Variants in EIPR1 observed in about 807,000 individuals in gnomAD.
The protein encoded by EIPR1 is EARP and GARP complex-interacting protein 1.
In EIPR1, 25 loss-of-function variants were observed where a neutral mutation model predicts 48.1. The observed-to-expected ratio is 0.52, with a 90% CI of 0.38 to 0.73. The LOEUF is 0.73. EIPR1 is among the 30% of genes least tolerant of loss of function. The pLI is 0.00. For missense variants in EIPR1, 415 were observed against 506.2 expected (o/e 0.82, Z 1.73); for synonymous variants, 204 against 201.9 (o/e 1.01, Z -0.09).
At position 3,350,302 on chromosome 2, in the gene EIPR1, G is replaced by C. The variant is rs151178529; in HGVS notation, c.126+4248C>G. Among the ~76,000 whole-genome samples, 512 of 152,176 alleles carry C rather than the reference G, an allele frequency of 3.4e-3. 6 individuals carry two copies. The highest frequency in any genetic ancestry group is 0.012 in the African/African-American group (492 of 41,514). On this transcript the variant is annotated intron_variant, in intron 2 of 8. Coordinates refer to ENST00000382125, the MANE Select transcript of EIPR1 (RefSeq NM_003310.5). ...CACATCTTCACATGGCAATAGGAGA[G>C]AGCATGAAGGGGGATGTGCCACACC...
At chr2:3,234,400 C>T (rs1572335513) in intron 4 of EIPR1, among the ~76,000 whole-genome samples, 1 of 152,158 alleles carries the variant, frequency 6.6e-6, no homozygotes, top group South Asian at 2.1e-4. Flanking sequence ...CAAGAGTCCC[C>T]AAGAGCAGGC....
At chr2:3,343,642 A>C (rs886377686) in intron 2 of EIPR1, among the ~76,000 whole-genome samples, 2 of 152,224 alleles carry the variant, frequency 1.3e-5, no homozygotes, top group African/African-American at 4.8e-5. Flanking sequence ...GTAAAGATTT[A>C]GAATAAAGAG....
At chr2:3,202,660 C>G (rs567346558) in intron 5 of EIPR1, among the ~76,000 whole-genome samples, 1 of 152,148 alleles carries the variant, frequency 6.6e-6, no homozygotes, top group Non-Finnish European at 1.5e-5. Flanking sequence ...AATCTTGAGC[C>G]GAGCAATGCA....
At chr2:3,198,328 G>A (rs527443936) in intron 5 of EIPR1, among the ~76,000 whole-genome samples, 9 of 152,324 alleles carry the variant, frequency 5.9e-5, no homozygotes, top group Admixed American at 2.0e-4. Flanking sequence ...TGGGCTGTGC[G>A]AGAGACTGAG....
intron 4 of EIPR1, among the ~76,000 whole-genome samples, chr2:3,236,168 A>T (rs1283786654): frequency 2.0e-5 from 3 of 152,208 alleles, no homozygotes; most frequent in Non-Finnish European, 4.4e-5. Context: ...CTGTCATGAC[A>T]TCGCCGTACG....
chr2:3,220,723 T>C (rs6725952), intron 4 of EIPR1, among the ~76,000 whole-genome samples: 138,556 of 151,256 alleles, frequency 0.92, 63,693 homozygotes, highest in East Asian at 0.98. Context: ...CTCTAGAACA[T>C]TCACAGTGAG....
intron 4 of EIPR1, among the ~76,000 whole-genome samples, chr2:3,241,375 G>A (rs1159902498): frequency 6.6e-6 from 1 of 152,166 alleles, no homozygotes; most frequent in Non-Finnish European, 1.5e-5. Flanking sequence ...AATAACTGCT[G>A]TTATTTTATA....
At chr2:3,208,777 C>G (rs1321656055) in intron 5 of EIPR1, 1 of 1,548,722 alleles carries the variant, frequency 6.5e-7, no homozygotes, top group Admixed American at 2.0e-5. Context: ...GTCCTTCTTC[C>G]TTGAGTGAGG....
At chr2:3,369,079 T>TTA (rs1671044725) in intron 1 of EIPR1, among the ~76,000 whole-genome samples, 1 of 152,228 alleles carries the variant, frequency 6.6e-6, no homozygotes, top group African/African-American at 2.4e-5. Context: ...ACTGCAATGA[T>TTA]GGTTCTTCAA....
At chr2:3,194,696 A>AGGG (rs66959073) in intron 6 of EIPR1, among the ~76,000 whole-genome samples, 62 of 150,626 alleles carry the variant, frequency 4.1e-4, no homozygotes, top group African/African-American at 1.4e-3. Context: ...AGAGAGAGAA[A>AGGG]GGGGGGGGCA....
chr2:3,269,591 TCG>T (rs1242238733), intron 3 of EIPR1, among the ~76,000 whole-genome samples: 10,704 of 63,310 alleles, frequency 0.17, 3,175 homozygotes, highest in East Asian at 0.34. Context: ...CACTCAATCA[TCG>T]CACTCAATCG....
intron 3 of EIPR1, among the ~76,000 whole-genome samples, chr2:3,276,894 T>C (rs538196004): frequency 2.0e-5 from 3 of 152,316 alleles, no homozygotes; most frequent in East Asian, 1.9e-4. Context: ...CCTACAATGA[T>C]AGATTAATTT....
chr2:3,293,318 A>G (rs1668425114), intron 3 of EIPR1, among the ~76,000 whole-genome samples: 1 of 152,056 alleles, frequency 6.6e-6, no homozygotes, highest in African/African-American at 2.4e-5. Context: ...CTCCTCCAGG[A>G]GGCCCTTGGA....
intron 4 of EIPR1, among the ~76,000 whole-genome samples, chr2:3,221,990 GTTTTT>G (rs964793523): frequency 6.7e-6 from 1 of 149,190 alleles, no homozygotes; most frequent in South Asian, 2.1e-4. Context: ...TCCCCTCGCG[GTTTTT>G]TTTTTGTTTG....
At chr2:3,306,737 C>A (rs1157443942) in intron 3 of EIPR1, among the ~76,000 whole-genome samples, 1 of 152,148 alleles carries the variant, frequency 6.6e-6, no homozygotes, top group Non-Finnish European at 1.5e-5. Flanking sequence ...CGTCTTCACA[C>A]TGAGCAGACT....
chr2:3,340,869 G>C (rs918385575), intron 2 of EIPR1, among the ~76,000 whole-genome samples: 1 of 152,000 alleles, frequency 6.6e-6, no homozygotes, highest in East Asian at 1.9e-4. Flanking sequence ...AGCCAAGATG[G>C]GTAGATCACC....
At chr2:3,322,140 C>T (rs6548151) in intron 3 of EIPR1, among the ~76,000 whole-genome samples, 41,985 of 151,958 alleles carry the variant, frequency 0.28, 7,781 homozygotes, top group East Asian at 0.64. Context: ...GCGAGGTCAG[C>T]ACGGTCCTCC....
chr2:3,300,387 C>A (rs903892585), intron 3 of EIPR1, among the ~76,000 whole-genome samples: 3 of 152,252 alleles, frequency 2.0e-5, no homozygotes, highest in African/African-American at 7.2e-5. Context: ...CACAGGCCCG[C>A]CCCCTCTCCT....
intron 3 of EIPR1, among the ~76,000 whole-genome samples, chr2:3,288,158 C>T (rs1201446698): frequency 6.6e-6 from 1 of 152,220 alleles, no homozygotes; most frequent in Non-Finnish European, 1.5e-5. Context: ...CTCCCGCCGC[C>T]ACCTGGGGCC....
Sources: allele counts gnomAD v4.1 joint callset (sites outside exome capture counted in the v4.1 genomes callset), GRCh38; gene constraint gnomAD v4.1.1; transcripts MANE v1.5; gene names NCBI Gene and HGNC (gene_info 2026-07-23, HGNC 2026-07-21).